Variants in CEP128 observed in about 807,000 individuals in gnomAD.
CEP128 encodes centrosomal protein 128, also known as centrosomal protein 128kDa.
CEP128 carries 132 observed loss-of-function variants against 156.7 expected under a neutral mutation model. The ratio of observed to expected loss-of-function variants is 0.84; its 90% CI spans 0.73 to 0.97. The LOEUF is 0.97. CEP128 is among the 50% of genes least tolerant of loss of function. The pLI is 0.00. For missense variants in CEP128, 1,252 were observed against 1,281.9 expected (o/e 0.98, Z 0.36); for synonymous variants, 469 against 448.9 (o/e 1.04, Z -0.57).
At chr14:80,692,214 A>G (rs974264586) in intron 19 of CEP128, among the ~76,000 whole-genome samples, 1 of 152,222 alleles carries the variant, frequency 6.6e-6, no homozygotes, top group Non-Finnish European at 1.5e-5. Context: ...AATATTTATA[A>G]GAGTTGGTGG....
chr14:80,810,658 C>T (rs1352729909), intron 13 of CEP128, among the ~76,000 whole-genome samples: 2 of 152,086 alleles, frequency 1.3e-5, no homozygotes, highest in Non-Finnish European at 2.9e-5. Context: ...TTGTACAATG[C>T]ATTAGTGATA....
At chr14:80,534,824 C>CAAAAAAAAAAAAAAAAA (rs371773612) in intron 21 of CEP128, among the ~76,000 whole-genome samples, 1 of 60,134 alleles carries the variant, frequency 1.7e-5, no homozygotes, top group African/African-American at 6.8e-5. Context: ...GATTCCGTCT[C>CAAAAAAAAAAAAAAAAA]AAAAAAAAAA....
chr14:80,903,150 A>T (rs1030096727), intron 6 of CEP128, among the ~76,000 whole-genome samples: 9 of 152,140 alleles, frequency 5.9e-5, no homozygotes, highest in Non-Finnish European at 1.2e-4. Context: ...GGTACTAGAA[A>T]AAAACAGATG....
intron 13 of CEP128, among the ~76,000 whole-genome samples, chr14:80,818,893 T>C (rs1337270217): frequency 6.6e-6 from 1 of 152,226 alleles, no homozygotes; most frequent in Non-Finnish European, 1.5e-5. Flanking sequence ...TGCTTTTAAA[T>C]ATATTATTCT....
chr14:80,918,559 T>A (rs1884684104), intron 2 of CEP128, among the ~76,000 whole-genome samples: 1 of 152,208 alleles, frequency 6.6e-6, no homozygotes, highest in South Asian at 2.1e-4. Flanking sequence ...ACAGTAATTA[T>A]AAGTAGAATG....
chr14:80,489,160 T>C (rs1333492231), downstream of CEP128, among the ~76,000 whole-genome samples: 2 of 147,558 alleles, frequency 1.4e-5, no homozygotes, highest in African/African-American at 2.5e-5. Context: ...AGAGAGAAGA[T>C]GCAAATAAAA....
intron 2 of CEP128, among the ~76,000 whole-genome samples, chr14:80,928,453 A>C (rs2217175): frequency 0.16 from 24,506 of 152,146 alleles, 3,695 homozygotes; most frequent in African/African-American, 0.4. Context: ...AAGAAAAACA[A>C]ACCAGAACTT....
At chr14:80,830,152 C>T (rs1373011055) in intron 13 of CEP128, 1 of 506,278 alleles carries the variant, frequency 2.0e-6, no homozygotes, top group Non-Finnish European at 3.5e-6. Flanking sequence ...GTATAATTAC[C>T]ATTGCTCTGA....
rs1886565525 is a variant in CEP128, at chr14:80,954,760, G to A, written c.-172+3418C>T. 2.0e-5 allele frequency among the ~76,000 whole-genome samples: 3 copies of A among 152,218 alleles called. No individual in the cohort carries two copies. In the South Asian group the frequency reaches 6.2e-4, roughly 31 times the overall value. ...TTGTAATGATCTTTTTGGCTACTGTGCGAAGAATGGTGAGTATGCCACTTA... is the reference window on the plus strand; with the variant it reads ...TTGTAATGATCTTTTTGGCTACTGTACGAAGAATGGTGAGTATGCCACTTA... On this transcript the variant is annotated intron_variant, in intron 2 of 7. Transcript: ENST00000555529.
chr14:80,769,632 A>G (rs1900418023), intron 16 of CEP128, among the ~76,000 whole-genome samples: 1 of 152,220 alleles, frequency 6.6e-6, no homozygotes, highest in Admixed American at 6.5e-5. Flanking sequence ...TATATGTGCC[A>G]CATTTTCTTA....
At chr14:80,536,679 T>C (rs1050250642) in intron 21 of CEP128, among the ~76,000 whole-genome samples, 2 of 152,196 alleles carry the variant, frequency 1.3e-5, no homozygotes, top group African/African-American at 2.4e-5. Context: ...ATTGGCTTCA[T>C]AGGGCCCTGT....
intron 19 of CEP128, among the ~76,000 whole-genome samples, chr14:80,621,840 A>T (rs1397960614): frequency 6.6e-6 from 1 of 152,128 alleles, no homozygotes; most frequent in Non-Finnish European, 1.5e-5. Flanking sequence ...GCTTGTTTTT[A>T]GTGACTCATA....
At chr14:80,485,221 G>A (rs1204044415) in intron 14 of CEP128, among the ~76,000 whole-genome samples, 4 of 152,226 alleles carry the variant, frequency 2.6e-5, no homozygotes, top group South Asian at 4.1e-4. Flanking sequence ...CTTGCTTCTG[G>A]AAAGTAAAGG....
chr14:80,671,338 T>G (rs913675127), intron 19 of CEP128, among the ~76,000 whole-genome samples: 1 of 152,216 alleles, frequency 6.6e-6, no homozygotes, highest in Admixed American at 6.5e-5. Context: ...TACCTCTTTA[T>G]AGTTAAAAGG....
chr14:80,519,293 G>GT (rs1247995668), intron 23 of CEP128, among the ~76,000 whole-genome samples: 1 of 152,096 alleles, frequency 6.6e-6, no homozygotes, highest in Non-Finnish European at 1.5e-5. Context: ...ATTGTAATTG[G>GT]TTTTTAAAAA....
intron 19 of CEP128, among the ~76,000 whole-genome samples, chr14:80,739,525 A>C (rs1898697882): frequency 6.6e-6 from 1 of 152,136 alleles, no homozygotes; most frequent in Non-Finnish European, 1.5e-5. Context: ...CAACATACAT[A>C]ATCAGGCTCA....
chr14:80,624,426 C>A (rs1893622396), intron 19 of CEP128, among the ~76,000 whole-genome samples: 1 of 152,122 alleles, frequency 6.6e-6, no homozygotes, highest in Non-Finnish European at 1.5e-5. Context: ...ATTTTTTCTC[C>A]TCTGGATAAA....
intron 19 of CEP128, among the ~76,000 whole-genome samples, chr14:80,632,391 T>C (rs1893997704): frequency 1.3e-5 from 2 of 148,834 alleles, no homozygotes; most frequent in Non-Finnish European, 3.0e-5. Flanking sequence ...ATATACTCTG[T>C]ATATACTGCA....
intron 19 of CEP128, among the ~76,000 whole-genome samples, chr14:80,728,825 T>C (rs1213018070): frequency 6.6e-6 from 1 of 152,214 alleles, no homozygotes; most frequent in Non-Finnish European, 1.5e-5. Context: ...ATTATAAATA[T>C]ACTAGACCAA....
Sources: gnomAD v4.1 joint callset for allele counts (sites outside exome capture counted in the v4.1 genomes callset) on GRCh38, gnomAD v4.1.1 for gene constraint, MANE v1.5 for transcripts, NCBI Gene and HGNC (gene_info 2026-07-23, HGNC 2026-07-21) for gene names.